Variants in OSBPL2 observed in about 807,000 individuals in gnomAD.
OSBPL2 encodes the protein oxysterol binding protein like 2.
In OSBPL2, 18 loss-of-function variants were observed where a neutral mutation model predicts 58.4. That is an observed-to-expected ratio of 0.31 (90% confidence interval 0.21 to 0.46). The LOEUF (loss-of-function observed/expected upper bound fraction) is 0.46. Ranked by LOEUF, OSBPL2 falls within the 20% of genes least tolerant of loss-of-function variation. The pLI, the probability that OSBPL2 is intolerant of heterozygous loss-of-function variation, is 1.00. For missense variants in OSBPL2, 461 were observed against 616.5 expected, an observed-to-expected ratio of 0.75 and a Z score of 2.67; for synonymous variants, 221 against 234.1, an observed-to-expected ratio of 0.94 and a Z score of 0.51.
intron 7 of OSBPL2, among the ~76,000 whole-genome samples, chr20:62,280,441 A>G (rs1164038228): frequency 6.6e-6 from 1 of 152,244 alleles, no homozygotes. Flanking sequence ...CTGATGAACC[A>G]GTTTGGGTTC....
intron 4 of OSBPL2, among the ~76,000 whole-genome samples, chr20:62,264,928 C>T (rs569347693): frequency 6.6e-6 from 1 of 152,316 alleles, no homozygotes; most frequent in African/African-American, 2.4e-5. Flanking sequence ...GTATTTTTGG[C>T]ACACACAGAA....
intron 4 of OSBPL2, among the ~76,000 whole-genome samples, chr20:62,265,149 A>G (rs879853360): frequency 2.0e-5 from 3 of 152,110 alleles, no homozygotes; most frequent in Non-Finnish European, 2.9e-5. Flanking sequence ...ATTCTAATGG[A>G]GATTTTCCAT....
intron 3 of OSBPL2, among the ~76,000 whole-genome samples, chr20:62,261,765 A>G (rs1981327581): frequency 6.6e-6 from 1 of 151,790 alleles, no homozygotes; most frequent in Admixed American, 6.6e-5. Context: ...ATTTGTGTAT[A>G]TGTGTATTTA....
In OSBPL2 at chr20:62,288,536, T is replaced by C. The variant is rs1303018309; in HGVS notation, c.1126-671T>C. ...GGCCGGAGGCTGTGGGTGCAGAGGC[T>C]GGGAGGCTGTGGGTGCAGAGGCCGG... is the stretch of plus-strand genomic sequence containing the variant. On this transcript the variant is annotated intron_variant, in intron 11 of 13. Transcript: ENST00000313733. This position sits in a 1 kb window ranked among gnomAD's most constrained non-coding sequence, Gnocchi z 4.8. Among the ~76,000 whole-genome samples the C allele has an allele frequency of 2.4e-5, 3 of 122,714 alleles. No individual in the cohort carries two copies. The East Asian group carries it at 7.2e-4, about 30-fold the overall frequency. 80.5% of individuals were successfully genotyped at this position (122,714 alleles called of 152,430 possible).
At chr20:62,241,841 G>A (rs760024300) in intron 1 of OSBPL2, among the ~76,000 whole-genome samples, 1 of 152,180 alleles carries the variant, frequency 6.6e-6, no homozygotes, top group South Asian at 2.1e-4. Flanking sequence ...TTTGGGTGTG[G>A]GCTGATTTTC....
chr20:62,239,879 G>A (rs1395678158), intron 1 of OSBPL2, among the ~76,000 whole-genome samples: 1 of 152,222 alleles, frequency 6.6e-6, no homozygotes, highest in Non-Finnish European at 1.5e-5. Flanking sequence ...TTGAGATGGA[G>A]TCTCGCTTTG....
chr20:62,263,586 A>G (rs1252605336), intron 3 of OSBPL2, 30 bp from the exon 4 acceptor site: 1 of 1,584,580 alleles, frequency 6.3e-7, no homozygotes, highest in African/African-American at 1.3e-5. Context: ...TGTTGAATTC[A>G]CCCACACGCA....
chr20:62,246,663 C>G (rs1390884075), intron 1 of OSBPL2, among the ~76,000 whole-genome samples: 1 of 152,164 alleles, frequency 6.6e-6, no homozygotes, highest in Non-Finnish European at 1.5e-5. Context: ...ACTCCTGCCC[C>G]AGGGCTTAGA....
At chr20:62,271,403 A>G (rs769792165) in intron 4 of OSBPL2, among the ~76,000 whole-genome samples, 3 of 152,190 alleles carry the variant, frequency 2.0e-5, no homozygotes, top group Non-Finnish European at 4.4e-5. Flanking sequence ...AGGGACGGGA[A>G]GCCAGGGACT....
chr20:62,245,507 C>T (rs984008583), intron 1 of OSBPL2, among the ~76,000 whole-genome samples: 2 of 152,176 alleles, frequency 1.3e-5, no homozygotes, highest in Admixed American at 6.5e-5. Context: ...CTGAAGAAGG[C>T]GGAGAGGTTG....
At chr20:62,242,508 G>C (rs1979798904) in intron 1 of OSBPL2, 1 of 152,230 alleles carries the variant, frequency 6.6e-6, no homozygotes, top group African/African-American at 2.4e-5. Context: ...CTTGCCTTCT[G>C]TTTTCAGTGG....
chr20:62,284,271 T>C, intron 10 of OSBPL2, 102 bp downstream of exon 10: 1 of 1,398,560 alleles, frequency 7.2e-7, no homozygotes, highest in Non-Finnish European at 1.0e-6. Flanking sequence ...AGGGAACCTT[T>C]GGGCCCCACC....
At chr20:62,284,259 C>T (rs770417333) in intron 10 of OSBPL2, 90 bp downstream of exon 10, 1 of 1,529,326 alleles carries the variant, frequency 6.5e-7, no homozygotes, top group Admixed American at 1.7e-5. Flanking sequence ...TGTTGGGGTC[C>T]CAGGGAACCT....
Position 62,263,582 on chromosome 20 carries a change from ATTCACCCACACGCACCCCT to A in OSBPL2, c.183-31_183-13del, listed in dbSNP as rs1568836194. The stretch of plus-strand genomic sequence containing the variant: ...TTGAGTGGTCAGAGTCCTGTGTTGA[ATTCACCCACACGCACCCCT>A]TTTGTGCTTCGCAGGACATCGCTGC... On this transcript the variant is annotated splice_polypyrimidine_tract_variant and intron_variant, in intron 3 of 13. Transcript: ENST00000313733. 18 of 1,572,312 alleles carry A rather than the reference ATTCACCCACACGCACCCCT, an allele frequency of 1.1e-5. No homozygotes were observed. In the East Asian group the frequency reaches 3.8e-4, roughly 33 times the overall value.
intron 11 of OSBPL2, among the ~76,000 whole-genome samples, chr20:62,287,197 AT>A (rs1341508043): frequency 6.7e-6 from 1 of 149,058 alleles, no homozygotes; most frequent in African/African-American, 2.5e-5. Flanking sequence ...TTTATTAAAT[AT>A]ATGATAAACT....
At chr20:62,259,873 A>G (rs1981179492) in intron 2 of OSBPL2, 108 bp from the exon 3 acceptor site, 16 of 974,872 alleles carry the variant, frequency 1.6e-5, no homozygotes, top group Non-Finnish European at 2.2e-5. Context: ...GTCCGTTCAC[A>G]CAACTGAGCT....
chr20:62,266,254 G>C (rs1981650088), intron 4 of OSBPL2, among the ~76,000 whole-genome samples: 2 of 152,224 alleles, frequency 1.3e-5, no homozygotes, highest in Non-Finnish European at 1.5e-5. Flanking sequence ...CGTAGGACTG[G>C]CAAGCATAGT....
At chr20:62,281,704 C>T (rs1982798028) in intron 8 of OSBPL2, 86 bp from the exon 9 acceptor site, 5 of 974,092 alleles carry the variant, frequency 5.1e-6, no homozygotes, top group Admixed American at 3.5e-5. Context: ...CCCCAGGGGC[C>T]TCCACCGCGC....
At chr20:62,284,266 A>C in intron 10 of OSBPL2, 97 bp downstream of exon 10, 1 of 1,449,396 alleles carries the variant, frequency 6.9e-7, no homozygotes, top group Non-Finnish European at 9.6e-7. Flanking sequence ...GTCCCAGGGA[A>C]CCTTTGGGCC....
Sources: allele counts gnomAD v4.1 joint callset (sites outside exome capture counted in the v4.1 genomes callset), GRCh38; gene constraint gnomAD v4.1.1; non-coding constraint Gnocchi (gnomAD v3.1); transcripts MANE v1.5; gene names NCBI Gene and HGNC (gene_info 2026-07-23, HGNC 2026-07-21).